VPS13B: variants seen among roughly 807,000 people sequenced by gnomAD.
VPS13B encodes the protein vacuolar protein sorting 13 homolog B, also known as intermembrane lipid transfer protein VPS13B.
In VPS13B, 285 loss-of-function variants were observed where a neutral mutation model predicts 426.4. The ratio of observed to expected loss-of-function variants is 0.67; its 90% CI spans 0.61 to 0.74. The LOEUF (loss-of-function observed/expected upper bound fraction) is 0.74. VPS13B is among the 30% of genes least tolerant of loss of function. The pLI is 0.00. For synonymous variants in VPS13B, 1,676 were observed against 1,676.4 expected (o/e 1.00, Z 0.01); for missense variants, 4,537 against 4,782.6 (o/e 0.95, Z 1.51).
intron 30 of VPS13B, among the ~76,000 whole-genome samples, chr8:99,525,291 A>G (rs1469458862): frequency 1.3e-5 from 2 of 152,216 alleles, no homozygotes; most frequent in Non-Finnish European, 2.9e-5. Flanking sequence ...AAGTTCAAGC[A>G]CAGAGTTTTT....
Position 99,577,512 on chromosome 8 carries a change from C to G in VPS13B, c.5099C>G (p.Ser1700Cys). 1 of 1,613,762 alleles carries G rather than the reference C, an allele frequency of 6.2e-7. No individual in the cohort carries two copies. Among genetic ancestry groups the G allele is most frequent in the Non-Finnish European group, 8.5e-7 (1 of 1,179,720 alleles). The part of the protein sequence containing the change: ...HTEEILVCGH[S>C]LEVNITTNLD... ...CAGGAGATTTTAGTGTGTGGCCATT[C>G]CTTAGAAGTGAATATAACCACAAAC... Residue 1700 changes from serine to cysteine, a missense_variant, in exon 33 of 62, where the codon TCC becomes TGC. Coordinates refer to ENST00000357162, the MANE Select transcript of VPS13B (RefSeq NM_152564.5).
chr8:99,185,308 T>C (rs896164043), intron 16 of VPS13B, among the ~76,000 whole-genome samples: 2 of 152,134 alleles, frequency 1.3e-5, no homozygotes, highest in Non-Finnish European at 2.9e-5. Flanking sequence ...GAGTGTGGAG[T>C]TGGGAGTAAA....
At chr8:99,699,129 GTC>G (rs1259493761) in intron 35 of VPS13B, among the ~76,000 whole-genome samples, 1 of 127,182 alleles carries the variant, frequency 7.9e-6, no homozygotes, top group Non-Finnish European at 1.6e-5. Flanking sequence ...AGTAAGGAAA[GTC>G]TTTTTTTTTT....
chr8:99,435,605 C>T (rs1817329096), intron 22 of VPS13B, among the ~76,000 whole-genome samples: 1 of 152,012 alleles, frequency 6.6e-6, no homozygotes, highest in Admixed American at 6.6e-5. Flanking sequence ...CCTGAAATAA[C>T]CAAAAAATTA....
At chr8:99,023,584 G>A (rs962976510) in intron 2 of VPS13B, among the ~76,000 whole-genome samples, 6 of 151,586 alleles carry the variant, frequency 4.0e-5, no homozygotes, top group Non-Finnish European at 7.4e-5. Context: ...GGGTTCAAGC[G>A]ATTCTTCTGC....
chr8:99,696,518 G>A (rs907143723), intron 35 of VPS13B: 5 of 449,538 alleles, frequency 1.1e-5, no homozygotes, highest in Non-Finnish European at 2.1e-5. Flanking sequence ...TGGTTGTCCA[G>A]TTCATGGAAT....
At chr8:99,090,581 A>C (rs1205724046) in intron 3 of VPS13B, among the ~76,000 whole-genome samples, 1 of 152,174 alleles carries the variant, frequency 6.6e-6, no homozygotes, top group Admixed American at 6.6e-5. Flanking sequence ...CTCTTAAATT[A>C]CTAACTTTTT....
At chr8:99,232,699 G>A (rs931898326) in intron 17 of VPS13B, among the ~76,000 whole-genome samples, 1 of 152,172 alleles carries the variant, frequency 6.6e-6, no homozygotes, top group Non-Finnish European at 1.5e-5. Context: ...TGTGCATTTT[G>A]CATGGCTTTG....
intron 53 of VPS13B, 83 bp downstream of exon 53, chr8:99,835,407 C>T (rs1364355606): frequency 6.6e-7 from 1 of 1,513,312 alleles, no homozygotes; most frequent in South Asian, 1.2e-5. Context: ...ACCTGTGATC[C>T]TGTGAAAAAA....
chr8:99,398,540 A>G (rs1814863128), intron 21 of VPS13B, among the ~76,000 whole-genome samples: 2 of 152,192 alleles, frequency 1.3e-5, no homozygotes, highest in South Asian at 4.1e-4. Context: ...ATCATTCAAG[A>G]AATTTGATTA....
intron 2 of VPS13B, among the ~76,000 whole-genome samples, chr8:99,034,494 C>G (rs903337668): frequency 2.6e-5 from 4 of 151,310 alleles, no homozygotes; most frequent in Non-Finnish European, 5.9e-5. Flanking sequence ...TTACTGCCCT[C>G]TCTTTGTGGT....
chr8:99,863,964 C>A (rs978247833), intron 58 of VPS13B, among the ~76,000 whole-genome samples: 20 of 152,220 alleles, frequency 1.3e-4, no homozygotes, highest in African/African-American at 4.8e-4. Context: ...TGTCTTGACT[C>A]TGCAGAGTTC....
Position 99,063,296 on chromosome 8 carries a change from G to A in VPS13B, c.291+24730G>A, listed in dbSNP as rs187925007. Among the ~76,000 whole-genome samples the A allele has an allele frequency of 3.3e-4, 51 of 152,328 alleles. No homozygotes were observed. The East Asian group carries it at 9.8e-3, about 29-fold the overall frequency. The stretch of plus-strand genomic sequence containing the variant: ...CCTCACCCGGGAAGTGCAAGGGGTC[G>A]GGGGATTTCCCTTTCCTAGACAAGG... On this transcript the variant is annotated intron_variant, in intron 3 of 61. Coordinates refer to ENST00000357162, the MANE Select transcript of VPS13B (RefSeq NM_152564.5).
chr8:99,661,464 C>T lies in VPS13B; in HGVS notation c.6019C>T (p.Gln2007Ter). 6.2e-7 allele frequency: 1 copy of T among 1,613,346 alleles called. No homozygotes were observed. Among genetic ancestry groups the T allele is most frequent in the East Asian group, 2.2e-5 (1 of 44,836 alleles). The change falls in exon 35 of 62, where the codon CAG becomes TAG. Residue 2007 changes from glutamine (Q) to a stop codon, truncating the protein, a stop_gained. Transcript: ENST00000357162. LOFTEE classifies it high-confidence loss of function. ...TATTCCACCTTCCTTTATAACACTA[C>T]AGATTAAAGACTTTCTGAATGGACC... ...SGIPPSFITL[Q>*]IKDFLNGPAD... is the part of the protein sequence containing the mutation.
intron 55 of VPS13B, among the ~76,000 whole-genome samples, chr8:99,853,165 A>G (rs1816378597): frequency 6.6e-6 from 1 of 152,168 alleles, no homozygotes; most frequent in South Asian, 2.1e-4. Flanking sequence ...ATTAGTACAC[A>G]AAGACTAGAG....
In VPS13B at chr8:99,442,622, C is replaced by T. The variant is rs375994361; in HGVS notation, c.3432C>T (p.Pro1144=). ...AGATTCCATTTGTTATCCCACGACCCATCCTTGAAGAAGGTATATGTTAAC... is the reference window on the plus strand; with the variant it reads ...AGATTCCATTTGTTATCCCACGACCTATCCTTGAAGAAGGTATATGTTAAC... ...LQEIPFVIPR[P]ILEEGDAFPW... Residue 1144 remains proline (P), a synonymous_variant, in exon 23 of 62, where the codon CCC becomes CCT. Transcript: ENST00000357162. The T allele has an allele frequency of 8.1e-6, 13 of 1,613,802 alleles. No homozygotes were observed. In the African/African-American group the frequency reaches 1.3e-4, roughly 17 times the overall value.
At chr8:99,409,995 A>T (rs1815544536) in intron 21 of VPS13B, among the ~76,000 whole-genome samples, 1 of 152,198 alleles carries the variant, frequency 6.6e-6, no homozygotes, top group South Asian at 2.1e-4. Flanking sequence ...AGGCATACAG[A>T]GTGGTATAAT....
At chr8:99,448,039 A>G (rs1818009642) in intron 23 of VPS13B, among the ~76,000 whole-genome samples, 1 of 151,660 alleles carries the variant, frequency 6.6e-6, no homozygotes, top group Non-Finnish European at 1.5e-5. Flanking sequence ...TTGTTTTTCA[A>G]GTACATCAAG....
chr8:99,026,371 T>C (rs1408189234), intron 2 of VPS13B, among the ~76,000 whole-genome samples: 1 of 152,230 alleles, frequency 6.6e-6, no homozygotes, highest in East Asian at 1.9e-4. Flanking sequence ...TTGATATGAC[T>C]TGGACTTTTA....
Sources: gnomAD v4.1 joint callset for allele counts (sites outside exome capture counted in the v4.1 genomes callset) on GRCh38, gnomAD v4.1.1 for gene constraint, MANE v1.5 for transcripts, NCBI Gene and HGNC (gene_info 2026-07-23, HGNC 2026-07-21) for gene names.